DENND6B: variants seen among roughly 807,000 people sequenced by gnomAD.
DENND6B encodes protein DENND6B.
Under a neutral mutation model 85.1 loss-of-function variants are expected in DENND6B, and 73 were observed. That is an observed-to-expected ratio of 0.86 (90% CI 0.71 to 1.04). The LOEUF (loss-of-function observed/expected upper bound fraction) is 1.04. DENND6B is among the 50% of genes least tolerant of loss of function. The pLI is 0.00. For synonymous variants in DENND6B, 357 were observed against 329.3 expected (o/e 1.08, Z -0.91); for missense variants, 715 against 785.8 (o/e 0.91, Z 1.08).
intron 1 of DENND6B, among the ~76,000 whole-genome samples, chr22:50,326,496 G>A (rs138686761): frequency 0.01 from 1,572 of 152,340 alleles, 27 homozygotes; most frequent in African/African-American, 0.035. Context: ...CCACTGAGGG[G>A]ATGAAGGTGT....
At chr22:50,324,246 C>CG in intron 1 of DENND6B, among the ~76,000 whole-genome samples, 1 of 152,256 alleles carries the variant, frequency 6.6e-6, no homozygotes, top group African/African-American at 2.4e-5. Context: ...CGTACAGTTG[C>CG]GGGGGTATCC....
chr22:50,326,761 G>A, intron 1 of DENND6B, 51 bp downstream of exon 1: 1 of 1,316,286 alleles, frequency 7.6e-7, no homozygotes, highest in Non-Finnish European at 9.6e-7. Context: ...GACTGGCCCC[G>A]AGAGGCGCAG....
rs2041872368 is a variant in DENND6B at position 50,317,091 on chromosome 22, GGGGGGGTGGCGAGGACAGGGT to G, written c.453+181_453+201del. On this transcript the variant is annotated intron_variant, in intron 5 of 19. Transcript: ENST00000413817. ...TGGGGGGGGGCGGCGAGGACAGGGT[GGGGGGGTGGCGAGGACAGGGT>G]GGGGGGCGGCGAGGACAGGGTGGGG... 2.5e-5 allele frequency: 9 copies of G among 365,022 alleles called. No individual in the cohort carries two copies. In the African/African-American group the frequency reaches 2.7e-4, roughly 11 times the overall value. 22.6% of individuals were successfully genotyped at this position (365,022 alleles called of 1,614,324 possible).
Position 50,312,423 on chromosome 22 carries a change from G to C in DENND6B, c.1561-6C>G, listed in dbSNP as rs769684031. 1 of 1,609,012 alleles carries C rather than the reference G, an allele frequency of 6.2e-7. No homozygotes were observed. The highest frequency in any genetic ancestry group is 1.7e-5 in the Admixed American group (1 of 59,532). ...TTCATCCAGGTCTCGATGTTCTGCA[G>C]GGCAAGACGGGGTCTACTGTCAGCA... On this transcript the variant is annotated splice_region_variant and splice_polypyrimidine_tract_variant and intron_variant, in intron 18 of 19. Coordinates refer to ENST00000413817, the MANE Select transcript of DENND6B (RefSeq NM_001001794.4).
At chr22:50,319,051 C>T (rs748089842) in intron 1 of DENND6B, 48 bp from the exon 2 acceptor site, 3 of 1,557,312 alleles carry the variant, frequency 1.9e-6, no homozygotes, top group Non-Finnish European at 2.6e-6. Flanking sequence ...TCCGAGGAGG[C>T]GACACCCCTC....
rs2041906909 is a variant in DENND6B, at chr22:50,317,896, C to G, written c.372+12G>C. 6.2e-7 allele frequency: 1 copy of G among 1,602,690 alleles called. No individual in the cohort carries two copies. On this transcript the variant is annotated intron_variant, in intron 4 of 19. Coordinates refer to ENST00000413817, the MANE Select transcript of DENND6B (RefSeq NM_001001794.4). ...GGGGAGAAGCAGGCCAGAGACGCAG[C>G]CCAGTGCTCACCTGCAGTGCCACAG...
Position 50,318,878 on chromosome 22 carries a change from G to C in DENND6B, c.228C>G (p.Ile76Met), listed in dbSNP as rs768422643. Residue 76 changes from isoleucine to methionine, a missense_variant, in exon 3 of 20, where the codon ATC becomes ATG. By Grantham distance (10) the Ile-to-Met change is conservative (BLOSUM62 1). Coordinates refer to ENST00000413817, the MANE Select transcript of DENND6B (RefSeq NM_001001794.4). ...GCGAGTCGGGAAAAGACAGGTAGCA[G>C]ATGCTGCTTTTCTGAAACATATAAA... ...FRLTDKEKSS[I>M]CYLSFPDSHS... 6.2e-7 allele frequency: 1 copy of C among 1,613,320 alleles called. No homozygotes were observed. Among genetic ancestry groups the C allele is most frequent in the South Asian group, 1.1e-5 (1 of 91,036 alleles).
chr22:50,324,167 C>A (rs554173929), intron 1 of DENND6B, among the ~76,000 whole-genome samples: 9 of 152,160 alleles, frequency 5.9e-5, no homozygotes, highest in Middle Eastern at 3.2e-3. Flanking sequence ...GCCCTGCTGG[C>A]CCCTCTCAAG....
chr22:50,318,744 CTG>C, intron 3 of DENND6B, 101 bp downstream of exon 3: 1 of 1,522,860 alleles, frequency 6.6e-7, no homozygotes, highest in Non-Finnish European at 8.9e-7. Flanking sequence ...CTGTGGCACT[CTG>C]GGCACCGGGG....
intron 1 of DENND6B, among the ~76,000 whole-genome samples, chr22:50,319,832 A>T (rs2041987680): frequency 6.6e-6 from 1 of 152,114 alleles, no homozygotes; most frequent in Non-Finnish European, 1.5e-5. Flanking sequence ...CCCCACCTGT[A>T]GCGCCCAGCC....
rs754494321 is a variant in DENND6B, at chr22:50,314,423, C to T, written c.1049G>A (p.Arg350Gln). The T allele has an allele frequency of 3.8e-6, 6 of 1,565,384 alleles. No homozygotes were observed. Among genetic ancestry groups the T allele is most frequent in the African/African-American group, 1.4e-5 (1 of 73,790 alleles). ...ACCTGACATCTTGGGCTCCCCGACT[C>T]GGAGGATGTGGGGCCAGTGCTGGAG... Reference protein sequence around the residue: ...KTLQHWPHILRVGEPKMSGDL... With the variant: ...KTLQHWPHILQVGEPKMSGDL... Residue 350 changes from arginine (R) to glutamine (Q), a missense_variant, in exon 12 of 20, where the codon CGA becomes CAA. Coordinates refer to ENST00000413817, the MANE Select transcript of DENND6B (RefSeq NM_001001794.4).
chr22:50,314,241 CT>C lies in DENND6B; in HGVS notation c.1103del (p.Lys368SerfsTer5). On this transcript the variant is annotated frameshift_variant, in exon 13 of 20. Coordinates refer to ENST00000413817, the MANE Select transcript of DENND6B (RefSeq NM_001001794.4). LOFTEE classifies it high-confidence loss of function. Reference sequence around the variant, plus strand: ...TGTCCAGGGTCTTCAACCTTGAAGGCTTTTTCAGCTTGACTTGCTTAGGCAG... The same window carrying C: ...TGTCCAGGGTCTTCAACCTTGAAGGCTTTTCAGCTTGACTTGCTTAGGCAG... The part of the protein sequence containing the change: ...GDLPKQVKLK[K>X]PSRLKTLDTK... The C allele has an allele frequency of 6.2e-7, 1 of 1,609,364 alleles. No homozygotes were observed.
intron 13 of DENND6B, 148 bp downstream of exon 13, chr22:50,314,059 A>AT: frequency 7.8e-7 from 1 of 1,274,374 alleles, no homozygotes; most frequent in Non-Finnish European, 1.0e-6. Context: ...GAAGAGAGCG[A>AT]CCCCTCCCCA....
chr22:50,313,169 C>G, intron 16 of DENND6B, 61 bp from the exon 17 acceptor site: 2 of 1,461,958 alleles, frequency 1.4e-6, no homozygotes, highest in Non-Finnish European at 1.9e-6. Context: ...GCACCCGGTA[C>G]GCTTCCCAGA....
rs2041957386 is a variant in DENND6B, at chr22:50,319,098, G to A, written c.178-95C>T. 1.9e-6 allele frequency: 3 copies of A among 1,544,406 alleles called. No individual in the cohort carries two copies. The East Asian group carries it at 7.3e-5, about 38-fold the overall frequency. On this transcript the variant is annotated intron_variant, in intron 1 of 19. Transcript: ENST00000413817. The stretch of plus-strand genomic sequence containing the variant: ...CTGGACTGTGACCGTCCCAGCAGCT[G>A]CAGCATCTGTCTGTGGGGCGCAGGT...
Position 50,313,689 on chromosome 22 carries a change from G to T in DENND6B, c.1239C>A (p.Ser413Arg). The T allele has an allele frequency of 1.2e-6, 2 of 1,601,152 alleles. No individual in the cohort carries two copies. Among genetic ancestry groups the T allele is most frequent in the Non-Finnish European group, 8.5e-7 (1 of 1,175,734 alleles). ...CCAGGAGGTGCCGCCGCAGCAGGGC[G>T]CTCTGCACATCTGACGGCCGCTTCT... ...VQKKRPSDVQ[S>R]ALLRRHLLEL... Residue 413 changes from serine (S) to arginine (R), a missense_variant, in exon 15 of 20, where the codon AGC (serine) becomes AGA (arginine). Physicochemically the swap from Ser to Arg is moderately radical, Grantham distance 110. Transcript: ENST00000413817.
intron 1 of DENND6B, among the ~76,000 whole-genome samples, chr22:50,323,587 C>A (rs1270512593): frequency 6.6e-6 from 1 of 151,740 alleles, no homozygotes; most frequent in Non-Finnish European, 1.5e-5. Flanking sequence ...TGCCCGGCCT[C>A]ATTTTGTATT....
intron 9 of DENND6B, 88 bp downstream of exon 9, chr22:50,315,626 T>A (rs116457040): frequency 3.5e-5 from 21 of 593,416 alleles, no homozygotes; most frequent in South Asian, 1.2e-4. Context: ...ACACACATAC[T>A]CACACACAGA....
At chr22:50,314,581 A>G in intron 11 of DENND6B, 24 bp downstream of exon 11, 2 of 1,556,666 alleles carry the variant, frequency 1.3e-6, no homozygotes, top group South Asian at 1.2e-5. Context: ...CAAGGGCAAG[A>G]GGCGGGGCAG....
Sources: gnomAD v4.1 joint callset for allele counts (sites outside exome capture counted in the v4.1 genomes callset) on GRCh38, gnomAD v4.1.1 for gene constraint, MANE v1.5 for transcripts, NCBI Gene and HGNC (gene_info 2026-07-23, HGNC 2026-07-21) for gene names.